Variants in TRIM29 observed in about 807,000 individuals in gnomAD.
TRIM29 encodes the protein tripartite motif containing 29.
A neutral mutation model predicts 57.3 loss-of-function variants in TRIM29; 52 were observed. The ratio of observed to expected loss-of-function variants is 0.91; its 90% CI spans 0.73 to 1.14. The LOEUF (loss-of-function observed/expected upper bound fraction) is 1.14, where lower values mean the gene tolerates loss of function less well. Ranked by LOEUF, TRIM29 falls within the 50% of genes most tolerant of loss-of-function variation. TRIM29 has a pLI of 0.00. For missense variants in TRIM29, 753 were observed against 774.6 expected, an observed-to-expected ratio of 0.97 and a Z score of 0.33; for synonymous variants, 319 against 316.9, an observed-to-expected ratio of 1.01 and a Z score of -0.07.
intron 1 of TRIM29, among the ~76,000 whole-genome samples, chr11:120,133,659 GA>G (rs1565321370): frequency 6.6e-6 from 1 of 152,214 alleles, no homozygotes; most frequent in Non-Finnish European, 1.5e-5. Flanking sequence ...TCCCCTTCCC[GA>G]ATCCCAAAGA....
intron 3 of TRIM29, among the ~76,000 whole-genome samples, chr11:120,126,762 C>A (rs1863599479): frequency 6.6e-6 from 1 of 152,214 alleles, no homozygotes. Flanking sequence ...GAGCCATATG[C>A]TTTATCATTT....
In TRIM29 at chr11:120,137,294, A is replaced by G. The variant is rs758839027; in HGVS notation, c.738T>C (p.Leu246=). ...GATTCTTGTGCTCCTGGAACATGCA[A>G]AGGTAGCAGATGCAGGTCTGGTCGG... The part of the protein sequence containing the change: ...CQTDQTCICY[L]CMFQEHKNHS... Residue 246 remains leucine (L), a synonymous_variant, in exon 1 of 9, where the codon CTT becomes CTC. Coordinates refer to ENST00000341846, the MANE Select transcript of TRIM29 (RefSeq NM_012101.4). The surrounding 1 kb of genome is among the most constrained non-coding windows in gnomAD (Gnocchi z 6.2). 6 of 1,614,066 alleles carry G rather than the reference A, an allele frequency of 3.7e-6. No homozygotes were observed. The highest frequency in any genetic ancestry group is 5.1e-6 in the Non-Finnish European group (6 of 1,180,002).
rs1382884203 is a variant in TRIM29 at position 120,111,869 on chromosome 11, A to G, written c.*545T>C. 2 of 156,936 alleles carry G rather than the reference A, an allele frequency of 1.3e-5. No individual in the cohort carries two copies. Among genetic ancestry groups the G allele is most frequent in the Non-Finnish European group, 2.8e-5 (2 of 71,308 alleles). 9.7% of individuals were successfully genotyped at this position (156,936 alleles called of 1,614,324 possible). On this transcript the variant is annotated 3_prime_UTR_variant, in exon 9 of 9. Coordinates refer to ENST00000341846, the MANE Select transcript of TRIM29 (RefSeq NM_012101.4). Reference sequence around the variant, plus strand: ...GTGGCCAAGGGCTGCAGGTTCTGCCATGCTGGGCATTGATAGGTAGGACGA... The same window carrying G: ...GTGGCCAAGGGCTGCAGGTTCTGCCGTGCTGGGCATTGATAGGTAGGACGA...
In TRIM29 at chr11:120,112,287, G is replaced by A; in HGVS notation, c.*127C>T. 1 of 1,105,566 alleles carries A rather than the reference G, an allele frequency of 9.0e-7. No homozygotes were observed. The highest frequency in any genetic ancestry group is 1.3e-6 in the Non-Finnish European group (1 of 760,968). The allele number at this position is 1,105,566 out of a possible 1,614,324, so 68.5% of individuals were successfully genotyped here. A position where few individuals can be genotyped will look rare whatever the true frequency, so the allele number is the denominator to read the frequency against. On this transcript the variant is annotated 3_prime_UTR_variant, in exon 9 of 9. Coordinates refer to ENST00000341846, the MANE Select transcript of TRIM29 (RefSeq NM_012101.4). Reference sequence around the variant, plus strand: ...AACTGCCCCCAAGAGGCTGGCAGAGGGCTGCAGAGGGCAGGTGCAGGACCA... The same window carrying A: ...AACTGCCCCCAAGAGGCTGGCAGAGAGCTGCAGAGGGCAGGTGCAGGACCA...
Position 120,127,436 on chromosome 11 carries a change from A to G in TRIM29, c.1034T>C (p.Val345Ala). Residue 345 changes from valine to alanine, a missense_variant, in exon 3 of 9, where the codon GTG (valine) becomes GCG (alanine). Transcript: ENST00000341846. ...REQDAVDQVKVIMDALDERAK... is the reference protein window; with the variant it reads ...REQDAVDQVKAIMDALDERAK... ...TCTCTCATCCAGAGCATCCATGATC[A>G]CCTTCACTTGGTCCACAGCATCCTG... 6.2e-7 allele frequency: 1 copy of G among 1,614,148 alleles called. No homozygotes were observed. The highest frequency in any genetic ancestry group is 8.5e-7 in the Non-Finnish European group (1 of 1,180,034).
chr11:120,127,946 A>G (rs953792915), intron 2 of TRIM29, among the ~76,000 whole-genome samples: 7 of 152,274 alleles, frequency 4.6e-5, no homozygotes, highest in African/African-American at 1.7e-4. Flanking sequence ...GTGTATTCAG[A>G]AAATGAATGT....
At chr11:120,113,666 A>G (rs1456991457) in intron 8 of TRIM29, 4 of 456,042 alleles carry the variant, frequency 8.8e-6, no homozygotes, top group African/African-American at 8.0e-5. Context: ...CTATTAAACA[A>G]AGGAAGAAAC....
intron 6 of TRIM29, among the ~76,000 whole-genome samples, chr11:120,119,757 C>G (rs1483055377): frequency 6.6e-6 from 1 of 152,036 alleles, no homozygotes; most frequent in Non-Finnish European, 1.5e-5. Flanking sequence ...ACTGAAGAGT[C>G]CTCCAGTGCT....
Position 120,137,963 on chromosome 11 carries a change from C to T in TRIM29, c.69G>A (p.Ser23=), listed in dbSNP as rs770071793. Residue 23 remains serine (S), a synonymous_variant, in exon 1 of 9, where the codon TCG becomes TCA. Coordinates refer to ENST00000341846, the MANE Select transcript of TRIM29 (RefSeq NM_012101.4). This position sits in a 1 kb window ranked among gnomAD's most constrained non-coding sequence, Gnocchi z 6.2. The part of the protein sequence containing the change: ...SPEARDARSP[S]GPSGSLENGT... ...CATTCTCCAGGCTGCCACTGGGGCC[C>T]GACGGGCTCCGGGCATCCCTGGCTT... 3.1e-6 allele frequency: 5 copies of T among 1,606,110 alleles called. No homozygotes were observed. The highest frequency in any genetic ancestry group is 1.1e-5 in the South Asian group (1 of 91,066).
At chr11:120,129,395 T>C (rs1863672406) in intron 1 of TRIM29, among the ~76,000 whole-genome samples, 2 of 152,152 alleles carry the variant, frequency 1.3e-5, no homozygotes, top group Admixed American at 6.5e-5. Context: ...CCTTCTAGCA[T>C]GGACAATAGG....
Position 120,112,683 on chromosome 11 carries a change from T to C in TRIM29, c.1705-207A>G, listed in dbSNP as rs115724831. Among the ~76,000 whole-genome samples the C allele has an allele frequency of 6.3e-3, 963 of 152,206 alleles. 6 individuals carry two copies. Among genetic ancestry groups the C allele is most frequent in the African/African-American group, 0.022 (902 of 41,504 alleles). On this transcript the variant is annotated intron_variant, in intron 8 of 8. Coordinates refer to ENST00000341846, the MANE Select transcript of TRIM29 (RefSeq NM_012101.4). ...CAGGATCTCCAGATTGGAATCCTAATTGGAGTCCATTCCCATAGTTAGTGG... is the reference window on the plus strand; with the variant it reads ...CAGGATCTCCAGATTGGAATCCTAACTGGAGTCCATTCCCATAGTTAGTGG...
rs183263393 is a variant in TRIM29 at position 120,132,878 on chromosome 11, T to C, written c.804+4350A>G. ...GTTTGACTGAGATTTACTGTTCCTT[T>C]TGCCTCCTCACAGCCTCAGGTCAGG... On this transcript the variant is annotated intron_variant, in intron 1 of 8. Coordinates refer to ENST00000341846, the MANE Select transcript of TRIM29 (RefSeq NM_012101.4). 3.3e-5 allele frequency among the ~76,000 whole-genome samples: 5 copies of C among 152,282 alleles called. No individual in the cohort carries two copies. In the East Asian group the frequency reaches 9.6e-4, roughly 29 times the overall value.
chr11:120,135,287 C>G (rs972203119), intron 1 of TRIM29, among the ~76,000 whole-genome samples: 7 of 152,208 alleles, frequency 4.6e-5, no homozygotes, highest in Non-Finnish European at 8.8e-5. Flanking sequence ...CTTGACACTT[C>G]TTTACCCCCT....
rs1341800178 is a variant in TRIM29, at chr11:120,137,214, G to A, written c.804+14C>T. ...GGAGAGGCCTGGAGGGGCAGGAGGG[G>A]CCCCAGCACTTACCTCCTTCTCGGC... On this transcript the variant is annotated intron_variant, in intron 1 of 8. Transcript: ENST00000341846. The surrounding 1 kb of genome is among the most constrained non-coding windows in gnomAD (Gnocchi z 6.2). 2 of 1,612,662 alleles carry A rather than the reference G, an allele frequency of 1.2e-6. No individual in the cohort carries two copies. The highest frequency in any genetic ancestry group is 8.5e-7 in the Non-Finnish European group (1 of 1,179,186).
intron 8 of TRIM29, among the ~76,000 whole-genome samples, chr11:120,115,029 G>A (rs1265065921): frequency 7.9e-5 from 12 of 152,150 alleles, no homozygotes; most frequent in Non-Finnish European, 1.5e-5. Flanking sequence ...CAGAACCCAA[G>A]CTGCCATTCC....
Position 120,112,441 on chromosome 11 carries a change from G to GTTGGACCCAA in TRIM29, c.1739_1740insTTGGGTCCAA (p.Gly581TrpfsTer83). The stretch of plus-strand genomic sequence containing the variant: ...ATGGGGCTTCGTTGGACCCAATCCC[G>GTTGGACCCAA]TTGCCTTTGTTGACGTAGAATGGCC... On this transcript the variant is annotated frameshift_variant, in exon 9 of 9. Transcript: ENST00000341846. LOFTEE classifies it high-confidence loss of function. 1 of 1,612,860 alleles carries GTTGGACCCAA rather than the reference G, an allele frequency of 6.2e-7. No homozygotes were observed. The highest frequency in any genetic ancestry group is 8.5e-7 in the Non-Finnish European group (1 of 1,179,626).
intron 1 of TRIM29, among the ~76,000 whole-genome samples, chr11:120,134,712 T>TA (rs1863784641): frequency 6.6e-6 from 1 of 152,188 alleles, no homozygotes; most frequent in Non-Finnish European, 1.5e-5. Flanking sequence ...CATTTTCTCC[T>TA]AAAACACACA....
chr11:120,123,850 A>C, intron 4 of TRIM29: 1 of 264,640 alleles, frequency 3.8e-6, no homozygotes, highest in Non-Finnish European at 7.4e-6. Context: ...GAATAAACAA[A>C]TGCCCTCCTA....
chr11:120,112,521 A>G (rs565581340), intron 8 of TRIM29, 45 bp from the exon 9 acceptor site: 7 of 1,607,718 alleles, frequency 4.4e-6, no homozygotes, highest in East Asian at 4.5e-5. Flanking sequence ...ACGACAGATG[A>G]GCCTGCTAGC....
Sources: allele counts gnomAD v4.1 joint callset (sites outside exome capture counted in the v4.1 genomes callset), GRCh38; gene constraint gnomAD v4.1.1; non-coding constraint Gnocchi (gnomAD v3.1); transcripts MANE v1.5; gene names NCBI Gene and HGNC (gene_info 2026-07-23, HGNC 2026-07-21).